The following MFF variants were observed in gnomAD, a reference collection of about 807,000 sequenced individuals.
MFF encodes chromosome 2 open reading frame 33.
MFF carries 12 observed loss-of-function variants against 36.9 expected under a neutral mutation model. The ratio of observed to expected loss-of-function variants is 0.33; its 90% CI spans 0.21 to 0.53. The LOEUF is 0.53. Ranked by LOEUF, MFF falls within the 20% of genes least tolerant of loss-of-function variation. The pLI is 0.95. For synonymous variants in MFF, 99 were observed against 126.2 expected, an observed-to-expected ratio of 0.78 and a Z score of 1.44; for missense variants, 348 against 366.6, an observed-to-expected ratio of 0.95 and a Z score of 0.42.
chr2:227,345,301 G>A (rs2075648390), intron 5 of MFF, among the ~76,000 whole-genome samples: 1 of 151,934 alleles, frequency 6.6e-6, no homozygotes, highest in Non-Finnish European at 1.5e-5. Flanking sequence ...TTTTTTCATG[G>A]ATTTGAGTTT....
At chr2:227,342,897 C>T (rs1184305698) in intron 5 of MFF, 3 of 1,267,604 alleles carry the variant, frequency 2.4e-6, no homozygotes, top group Non-Finnish European at 3.4e-6. Flanking sequence ...ATCTATTCAC[C>T]AGGTAATTGA....
chr2:227,347,462 C>G, intron 6 of MFF, 78 bp downstream of exon 6: 1 of 1,238,770 alleles, frequency 8.1e-7, no homozygotes, highest in African/African-American at 1.5e-5. Context: ...TGGTGTCTTT[C>G]TTTTCTGTTT....
intron 7 of MFF, among the ~76,000 whole-genome samples, chr2:227,353,323 A>T (rs929122226): frequency 6.6e-6 from 1 of 152,186 alleles, no homozygotes; most frequent in African/African-American, 2.4e-5. Flanking sequence ...TAATTTTTTC[A>T]GTCAGTTTTA....
chr2:227,341,770 C>T (rs541551716), intron 5 of MFF, among the ~76,000 whole-genome samples: 37 of 152,170 alleles, frequency 2.4e-4, no homozygotes, highest in African/African-American at 8.4e-4. Context: ...TATCCTAAGG[C>T]AACAAAGATT....
chr2:227,353,969 A>C (rs2106465590), intron 7 of MFF, among the ~76,000 whole-genome samples: 1 of 152,242 alleles, frequency 6.6e-6, no homozygotes, highest in African/African-American at 2.4e-5. Flanking sequence ...GGAATCTTCT[A>C]CCTTTATTTT....
chr2:227,341,289 G>GT (rs5839202), intron 5 of MFF, among the ~76,000 whole-genome samples: 2 of 147,708 alleles, frequency 1.4e-5, no homozygotes, highest in African/African-American at 5.0e-5. Context: ...GTAGAGAGAG[G>GT]TTTTTTTTTT....
chr2:227,342,873 T>G, intron 5 of MFF: 1 of 1,444,414 alleles, frequency 6.9e-7, no homozygotes, highest in Non-Finnish European at 9.7e-7. Flanking sequence ...TTTTGAAGGA[T>G]TATGTTAATA....
At chr2:227,356,919 A>G in intron 8 of MFF, 67 bp from the exon 9 acceptor site, 2 of 1,232,108 alleles carry the variant, frequency 1.6e-6, no homozygotes, top group Non-Finnish European at 2.3e-6. Context: ...TTACTTTATA[A>G]GAATCTGATT....
chr2:227,347,281 G>A lies in MFF; in HGVS notation c.496G>A (p.Asp166Asn). The A allele has an allele frequency of 6.2e-7, 1 of 1,613,800 alleles. No individual in the cohort carries two copies. The highest frequency in any genetic ancestry group is 8.5e-7 in the Non-Finnish European group (1 of 1,179,768). The change falls in exon 6 of 9, where the codon GAT becomes AAT. Residue 166 changes from aspartate (D) to asparagine (N), a missense_variant. By Grantham distance (23) the Asp-to-Asn change is conservative. Coordinates refer to ENST00000304593, the MANE Select transcript of MFF (RefSeq NM_001277062.2). ...CTGTCCTCCCCATATGTTACCTGAA[G>A]ATGGAGCTAATCTTTCCTCTGCTCG... is the stretch of plus-strand genomic sequence containing the variant. ...RVCPPHMLPE[D>N]GANLSSARGI...
chr2:227,330,974 TTTCTA>T (rs2074529983), intron 3 of MFF, 128 bp downstream of exon 3: 3 of 714,788 alleles, frequency 4.2e-6, no homozygotes, highest in Non-Finnish European at 7.0e-6. Context: ...ACTTTTGAAA[TTTCTA>T]TTCATTATTA....
At chr2:227,331,913 T>C (rs1436219373) in intron 3 of MFF, among the ~76,000 whole-genome samples, 1 of 151,826 alleles carries the variant, frequency 6.6e-6, no homozygotes, top group Non-Finnish European at 1.5e-5. Flanking sequence ...TTCTTATTTC[T>C]GTATGACAGT....
At position 227,332,445 on chromosome 2, in the gene MFF, A is replaced by G; in HGVS notation, c.208A>G (p.Arg70Gly). The G allele has an allele frequency of 6.2e-7, 1 of 1,610,272 alleles. No homozygotes were observed. Among genetic ancestry groups the G allele is most frequent in the Non-Finnish European group, 8.5e-7 (1 of 1,178,758 alleles). The change falls in exon 4 of 9, where the codon AGA becomes GGA. Residue 70 changes from arginine to glycine, a missense_variant. Arg to Gly is a moderately radical substitution (Grantham distance 125). Transcript: ENST00000304593. ...AAATAATGAAGATGTTTCATTTTCA[A>G]GACCAGCAGATCTTGACCTTATTCA... is the stretch of plus-strand genomic sequence containing the variant. Reference protein sequence around the residue: ...AGNNEDVSFSRPADLDLIQST... With the variant: ...AGNNEDVSFSGPADLDLIQST...
intron 4 of MFF, among the ~76,000 whole-genome samples, chr2:227,337,580 T>C (rs187285935): frequency 6.6e-6 from 1 of 152,284 alleles, no homozygotes; most frequent in Non-Finnish European, 1.5e-5. Flanking sequence ...TAAAGGAGAA[T>C]TGTATGCAAG....
At chr2:227,341,272 A>G (rs2075375227) in intron 5 of MFF, among the ~76,000 whole-genome samples, 2 of 137,056 alleles carry the variant, frequency 1.5e-5, no homozygotes, top group South Asian at 5.0e-4. Context: ...GGTCATTGAT[A>G]TTAAAGGTAG....
chr2:227,333,177 C>T (rs2074727743), intron 4 of MFF, among the ~76,000 whole-genome samples: 1 of 152,176 alleles, frequency 6.6e-6, no homozygotes, highest in Non-Finnish European at 1.5e-5. Context: ...TTTCATATAG[C>T]TTTTGAACTT....
At chr2:227,329,055 G>A (rs1216531403) in intron 2 of MFF, 1 of 152,326 alleles carries the variant, frequency 6.6e-6, no homozygotes, top group Non-Finnish European at 1.5e-5. Context: ...GTAAAGTCAT[G>A]TATACTGTCT....
Position 227,347,210 on chromosome 2 carries a change from GTGCTT to G in MFF, c.441-15_441-11del. The G allele has an allele frequency of 6.2e-7, 1 of 1,606,750 alleles. No individual in the cohort carries two copies. Among genetic ancestry groups the G allele is most frequent in the Non-Finnish European group, 8.5e-7 (1 of 1,174,376 alleles). ...TTGAGTGTTTTTCTCTTCATTTGCT[GTGCTT>G]GTGTAAACAGTGTGACACCATCGCC... On this transcript the variant is annotated splice_polypyrimidine_tract_variant and intron_variant, in intron 5 of 8. Transcript: ENST00000304593.
At chr2:227,356,727 G>T (rs1284376648) in intron 8 of MFF, among the ~76,000 whole-genome samples, 1 of 152,082 alleles carries the variant, frequency 6.6e-6, no homozygotes, top group African/African-American at 2.4e-5. Context: ...ATGTAATCAA[G>T]TTAGGAAGGA....
rs187334765 is a variant in MFF at position 227,346,360 on chromosome 2, T to A, written c.441-866T>A. Reference sequence around the variant, plus strand: ...CACAATAGATAATCATACTGTAATGTTAAACAGCTCCCTGAAAATACTGAC... The same window carrying A: ...CACAATAGATAATCATACTGTAATGATAAACAGCTCCCTGAAAATACTGAC... On this transcript the variant is annotated intron_variant, in intron 5 of 8. Coordinates refer to ENST00000304593, the MANE Select transcript of MFF (RefSeq NM_001277062.2). 163 of 167,006 alleles carry A rather than the reference T, an allele frequency of 9.8e-4. 1 individual carries two copies. Among genetic ancestry groups the A allele is most frequent in the African/African-American group, 3.8e-3 (157 of 41,568 alleles). The allele number at this position is 167,006 out of a possible 1,614,324, so 10.3% of individuals were successfully genotyped here.
Sources: gnomAD v4.1 joint callset for allele counts (sites outside exome capture counted in the v4.1 genomes callset) on GRCh38, gnomAD v4.1.1 for gene constraint, MANE v1.5 for transcripts, NCBI Gene and HGNC (gene_info 2026-07-23, HGNC 2026-07-21) for gene names.